Variants in TRAPPC9 observed in about 807,000 individuals in gnomAD.
The protein encoded by TRAPPC9 is trafficking protein particle complex subunit 9.
Under a neutral mutation model 124.0 loss-of-function variants are expected in TRAPPC9, and 83 were observed. The ratio of observed to expected loss-of-function variants is 0.67; its 90% CI spans 0.56 to 0.80. The LOEUF is 0.80. TRAPPC9 is among the 30% of genes least tolerant of loss of function. TRAPPC9 has a pLI of 0.00. For missense variants in TRAPPC9, 1,302 were observed against 1,508.3 expected (o/e 0.86, Z 2.27); for synonymous variants, 638 against 617.5 (o/e 1.03, Z -0.49).
chr8:139,841,693 C>G (rs898211130), intron 21 of TRAPPC9, among the ~76,000 whole-genome samples: 1 of 152,224 alleles, frequency 6.6e-6, no homozygotes, highest in South Asian at 2.1e-4. Flanking sequence ...ATTCGCAGAA[C>G]CCACAGTGCT....
At chr8:140,402,996 G>A (rs188494354) in intron 6 of TRAPPC9, among the ~76,000 whole-genome samples, 4 of 152,078 alleles carry the variant, frequency 2.6e-5, no homozygotes, top group Admixed American at 6.5e-5. Context: ...TGCTAATAAC[G>A]GTGAATACAG....
At chr8:140,354,875 A>G (rs1276374131) in intron 9 of TRAPPC9, among the ~76,000 whole-genome samples, 1 of 152,248 alleles carries the variant, frequency 6.6e-6, no homozygotes, top group African/African-American at 2.4e-5. Flanking sequence ...CGGAGGTTAC[A>G]GTAATTAGAG....
Position 140,439,140 on chromosome 8 carries a change from C to G in TRAPPC9, c.642G>C (p.Leu214=), listed in dbSNP as rs756585556. Residue 214 remains leucine, a synonymous_variant, in exon 3 of 23, where the codon CTG becomes CTC. Transcript: ENST00000438773. ...GGGAGTCCTGCAGCATCCCTGCCTG[C>G]AGGCACAGGTCCCCCACGTGCTTCC... ...RMRKHVGDLC[L]QAGMLQDSLV... is the part of the protein sequence containing the mutation. 4.3e-6 allele frequency: 7 copies of G among 1,614,118 alleles called. No homozygotes were observed. The highest frequency in any genetic ancestry group is 1.3e-5 in the African/African-American group (1 of 74,940).
chr8:140,286,104 G>A (rs1047625256), intron 13 of TRAPPC9, among the ~76,000 whole-genome samples: 12 of 152,228 alleles, frequency 7.9e-5, no homozygotes, highest in African/African-American at 1.9e-4. Flanking sequence ...GAAGGCTCCC[G>A]GAGGAAGGAA....
chr8:139,796,164 G>A (rs1586860722), intron 21 of TRAPPC9, among the ~76,000 whole-genome samples: 1 of 151,808 alleles, frequency 6.6e-6, no homozygotes, highest in East Asian at 1.9e-4. Context: ...GGAAGAGGAG[G>A]AGGAGGAGGA....
chr8:140,251,586 G>A (rs747806612), intron 16 of TRAPPC9, among the ~76,000 whole-genome samples: 1 of 152,188 alleles, frequency 6.6e-6, no homozygotes, highest in Non-Finnish European at 1.5e-5. Context: ...CTCTATGGAG[G>A]GCGTCTGTTA....
chr8:139,956,316 C>T (rs1165216053), intron 19 of TRAPPC9, among the ~76,000 whole-genome samples: 1 of 152,142 alleles, frequency 6.6e-6, no homozygotes, highest in Non-Finnish European at 1.5e-5. Flanking sequence ...CACCCACCAC[C>T]ACGCCCAGAT....
chr8:140,060,568 C>A (rs1402996417), intron 17 of TRAPPC9, among the ~76,000 whole-genome samples: 1 of 151,522 alleles, frequency 6.6e-6, no homozygotes, highest in Non-Finnish European at 1.5e-5. Context: ...CCGTCCCAAC[C>A]CAGCCCTACC....
intron 20 of TRAPPC9, among the ~76,000 whole-genome samples, chr8:139,889,109 C>T (rs975209986): frequency 1.3e-5 from 2 of 152,188 alleles, no homozygotes; most frequent in Non-Finnish European, 1.5e-5. Flanking sequence ...GAATGTTATT[C>T]GGCCCTTAAA....
In TRAPPC9 at chr8:139,825,814, G is replaced by C. The variant is rs961366918; in HGVS notation, c.3055+60065C>G. On this transcript the variant is annotated intron_variant, in intron 21 of 22. Transcript: ENST00000438773. This position sits in a 1 kb window ranked among gnomAD's most constrained non-coding sequence, Gnocchi z 4.6. ...GACAACAGCCGTGAGACGATGGCCG[G>C]AGCTGAGTGTCAACGCCCAAGGATT... Among the ~76,000 whole-genome samples the C allele has an allele frequency of 1.3e-5, 2 of 152,032 alleles. No individual in the cohort carries two copies. The highest frequency in any genetic ancestry group is 4.8e-5 in the African/African-American group (2 of 41,404).
intron 17 of TRAPPC9, among the ~76,000 whole-genome samples, chr8:140,103,675 CT>C (rs1424086795): frequency 1.3e-5 from 2 of 152,224 alleles, no homozygotes; most frequent in Admixed American, 1.3e-4. Context: ...TACCATATTA[CT>C]AATGATACCT....
At chr8:139,896,801 T>C (rs1212424056) in intron 20 of TRAPPC9, among the ~76,000 whole-genome samples, 1 of 152,150 alleles carries the variant, frequency 6.6e-6, no homozygotes, top group Non-Finnish European at 1.5e-5. Flanking sequence ...GCCAGTGTTT[T>C]TCCAGCCCAG....
intron 21 of TRAPPC9, among the ~76,000 whole-genome samples, chr8:139,854,525 G>A (rs1389455055): frequency 6.6e-6 from 1 of 152,220 alleles, no homozygotes; most frequent in Non-Finnish European, 1.5e-5. Flanking sequence ...CCTTCAGTAA[G>A]GGCAGCCCAT....
intron 12 of TRAPPC9, 36 bp downstream of exon 12, chr8:140,290,956 GT>G (rs748876352): frequency 6.2e-5 from 96 of 1,558,656 alleles, no homozygotes; most frequent in Non-Finnish European, 8.0e-5. Flanking sequence ...AAGTTTGTAT[GT>G]TAGCCCAAAA....
intron 19 of TRAPPC9, among the ~76,000 whole-genome samples, chr8:139,947,386 G>C (rs895244808): frequency 6.6e-6 from 1 of 152,190 alleles, no homozygotes; most frequent in Admixed American, 6.5e-5. Flanking sequence ...GTATTACTCA[G>C]CCGCCGGGAG....
intron 21 of TRAPPC9, among the ~76,000 whole-genome samples, chr8:139,824,640 A>AACCTCC (rs1825495084): frequency 1.3e-5 from 2 of 152,250 alleles, no homozygotes; most frequent in African/African-American, 4.8e-5. Context: ...GGCTCACTGC[A>AACCTCC]ACCTCCACCT....
intron 21 of TRAPPC9, among the ~76,000 whole-genome samples, chr8:139,750,437 C>T (rs1424987850): frequency 1.3e-5 from 2 of 152,200 alleles, no homozygotes; most frequent in Non-Finnish European, 2.9e-5. Context: ...GGCTGCCGCC[C>T]CTTTGTATTT....
At chr8:139,887,217 CT>C (rs1221275448) in intron 20 of TRAPPC9, among the ~76,000 whole-genome samples, 1,413 of 130,578 alleles carry the variant, frequency 0.011, 18 homozygotes, top group African/African-American at 0.028. Context: ...CCTATTTTAG[CT>C]TTTTTTTTTT....
intron 19 of TRAPPC9, among the ~76,000 whole-genome samples, chr8:139,940,345 G>A (rs1055360502): frequency 6.6e-6 from 1 of 152,198 alleles, no homozygotes; most frequent in South Asian, 2.1e-4. Context: ...GTGTTAATTG[G>A]GGAGTTTTTG....
Sources: allele counts gnomAD v4.1 joint callset (sites outside exome capture counted in the v4.1 genomes callset), GRCh38; gene constraint gnomAD v4.1.1; non-coding constraint Gnocchi (gnomAD v3.1); transcripts MANE v1.5; gene names NCBI Gene and HGNC (gene_info 2026-07-23, HGNC 2026-07-21).